Variants in MSRA observed in about 807,000 individuals in gnomAD.
MSRA encodes methionine sulfoxide reductase A.
MSRA carries 54 observed loss-of-function variants against 31.3 expected under a neutral mutation model. The observed-to-expected ratio is 1.73, with a 90% CI of 1.39 to 2.17. The LOEUF is 2.17. Among genes scored for constraint, MSRA ranks in the 30% most tolerant of loss-of-function variants. MSRA has a pLI of 0.00. For missense variants in MSRA, 507 were observed against 300.9 expected, an observed-to-expected ratio of 1.69 and a Z score of -5.07; for synonymous variants, 169 against 116.5, an observed-to-expected ratio of 1.45 and a Z score of -2.90.
chr8:10,270,678 T>C (rs924585260), intron 3 of MSRA, among the ~76,000 whole-genome samples: 1 of 152,236 alleles, frequency 6.6e-6, no homozygotes, highest in Non-Finnish European at 1.5e-5. Flanking sequence ...CAGGTGGATG[T>C]ACCTGAGGTT....
At chr8:10,386,894 A>T (rs1806428204) in intron 5 of MSRA, among the ~76,000 whole-genome samples, 1 of 143,746 alleles carries the variant, frequency 7.0e-6, no homozygotes. Flanking sequence ...AAAAAAAAAC[A>T]GTCTCCAAGA....
intron 5 of MSRA, among the ~76,000 whole-genome samples, chr8:10,365,807 G>T (rs1033902981): frequency 4.6e-5 from 7 of 152,200 alleles, no homozygotes; most frequent in Non-Finnish European, 8.8e-5. Context: ...GCACTCGGAG[G>T]TAGAACACCC....
At chr8:10,252,920 C>T (rs910943591) in intron 3 of MSRA, among the ~76,000 whole-genome samples, 7 of 152,126 alleles carry the variant, frequency 4.6e-5, no homozygotes, top group Non-Finnish European at 8.8e-5. Flanking sequence ...AGTATCTAGG[C>T]GAAATCATGT....
intron 4 of MSRA, among the ~76,000 whole-genome samples, chr8:10,319,437 C>T (rs754423201): frequency 1.3e-5 from 2 of 152,092 alleles, no homozygotes; most frequent in Admixed American, 6.5e-5. Flanking sequence ...TGCCAAGCAC[C>T]GTGCCAGGAA....
intron 1 of MSRA, among the ~76,000 whole-genome samples, chr8:10,175,153 A>G (rs1805936520): frequency 6.6e-6 from 1 of 151,702 alleles, no homozygotes; most frequent in South Asian, 2.1e-4. Context: ...CGGTCACTTC[A>G]CCATCTTGGA....
chr8:10,266,780 T>C (rs765264133), intron 3 of MSRA, among the ~76,000 whole-genome samples: 2 of 152,226 alleles, frequency 1.3e-5, no homozygotes, highest in East Asian at 1.9e-4. Flanking sequence ...GTGTGTAATA[T>C]AGCAAAAGGC....
At chr8:10,199,995 G>A (rs1808357057) in intron 1 of MSRA, among the ~76,000 whole-genome samples, 2 of 152,214 alleles carry the variant, frequency 1.3e-5, no homozygotes, top group African/African-American at 2.4e-5. Context: ...TGCTGGCTGG[G>A]CTTTCAGCCT....
chr8:10,402,610 G>A (rs1457542118), intron 5 of MSRA, among the ~76,000 whole-genome samples: 2 of 152,210 alleles, frequency 1.3e-5, no homozygotes, highest in Non-Finnish European at 2.9e-5. Context: ...TGCTAGCTCG[G>A]GGAGAGGGAT....
chr8:10,145,142 A>T (rs1231842737), intron 1 of MSRA, among the ~76,000 whole-genome samples: 1 of 152,158 alleles, frequency 6.6e-6, no homozygotes, highest in South Asian at 2.1e-4. Flanking sequence ...CTAATTTTTC[A>T]CTGGCGGAGC....
intron 1 of MSRA, among the ~76,000 whole-genome samples, chr8:10,113,767 T>TC (rs369536351): frequency 5.3e-5 from 8 of 151,364 alleles, no homozygotes; most frequent in East Asian, 1.9e-4. Flanking sequence ...ATTTGCATTT[T>TC]TTTTTTTTTT....
chr8:10,066,431 G>C (rs1013537772), intron 1 of MSRA, among the ~76,000 whole-genome samples: 1 of 151,952 alleles, frequency 6.6e-6, no homozygotes, highest in Non-Finnish European at 1.5e-5. Flanking sequence ...ACACACACAC[G>C]CACAATTGTT....
intron 2 of MSRA, among the ~76,000 whole-genome samples, chr8:10,220,513 A>C (rs559196998): frequency 4.6e-5 from 7 of 152,364 alleles, no homozygotes; most frequent in East Asian, 3.9e-4. Flanking sequence ...GTGAATCAGC[A>C]CTGTGTTTTC....
intron 1 of MSRA, among the ~76,000 whole-genome samples, chr8:10,194,759 A>G (rs1053035355): frequency 6.6e-6 from 1 of 152,204 alleles, no homozygotes; most frequent in South Asian, 2.1e-4. Context: ...CAGTTTAAGC[A>G]TGAGGCTGAT....
At chr8:10,296,562 T>G (rs1563321875) in intron 3 of MSRA, among the ~76,000 whole-genome samples, 3 of 152,220 alleles carry the variant, frequency 2.0e-5, no homozygotes, top group African/African-American at 7.2e-5. Context: ...CTATTCCAAT[T>G]TTCCCCATGT....
At chr8:10,129,350 C>G (rs1373075840) in intron 1 of MSRA, among the ~76,000 whole-genome samples, 3 of 152,072 alleles carry the variant, frequency 2.0e-5, no homozygotes, top group Admixed American at 6.6e-5. Context: ...GGAAAATGGA[C>G]TTGACCTGAA....
chr8:10,277,947 A>G (rs1799412615), intron 3 of MSRA, among the ~76,000 whole-genome samples: 1 of 152,222 alleles, frequency 6.6e-6, no homozygotes, highest in South Asian at 2.1e-4. Context: ...AATACCTATG[A>G]AGGAATTGTA....
At chr8:10,106,713 C>G (rs2128936897) in intron 1 of MSRA, among the ~76,000 whole-genome samples, 1 of 152,316 alleles carries the variant, frequency 6.6e-6, no homozygotes, top group East Asian at 1.9e-4. Flanking sequence ...TTCACTCTGT[C>G]ATGGGACCAC....
At chr8:10,340,054 G>A (rs1400372681) in intron 5 of MSRA, among the ~76,000 whole-genome samples, 3 of 152,162 alleles carry the variant, frequency 2.0e-5, no homozygotes, top group Non-Finnish European at 4.4e-5. Context: ...TTCCTGGCCC[G>A]TGTGGTATGA....
At chr8:10,191,714 T>G (rs1425670635) in intron 1 of MSRA, among the ~76,000 whole-genome samples, 1 of 151,842 alleles carries the variant, frequency 6.6e-6, no homozygotes, top group Non-Finnish European at 1.5e-5. Context: ...TCAGTTAGAC[T>G]GGAAATATAT....
Sources: gnomAD v4.1 joint callset for allele counts (sites outside exome capture counted in the v4.1 genomes callset) on GRCh38, gnomAD v4.1.1 for gene constraint, MANE v1.5 for transcripts, NCBI Gene and HGNC (gene_info 2026-07-23, HGNC 2026-07-21) for gene names.